Variants in GPR132 observed in about 807,000 individuals in gnomAD.
GPR132 encodes probable G protein-coupled receptor 132.
In GPR132, 4 loss-of-function variants were observed where a neutral mutation model predicts 1.9. The ratio of observed to expected loss-of-function variants is 2.13; its 90% CI spans 1.05 to 4.87. The LOEUF (loss-of-function observed/expected upper bound fraction) is 4.87, where lower values mean the gene tolerates loss of function less well. GPR132 is among the 30% of genes most tolerant of loss of function. The probability of loss-of-function intolerance (pLI) is 0.01; values close to 1 mark genes in which losing one functional copy is unlikely to be tolerated. For missense variants in GPR132, 404 were observed against 512.5 expected (o/e 0.79, Z 2.04); for synonymous variants, 233 against 234.2 (o/e 0.99, Z 0.05).
At chr14:105,054,143 G>A (rs952778371) in intron 3 of GPR132, 25 of 1,285,822 alleles carry the variant, frequency 1.9e-5, no homozygotes, top group East Asian at 1.7e-4. Context: ...GCAGGAAGCC[G>A]CAGACAGACC....
rs1886590143 is a variant in GPR132 at position 105,050,054 on chromosome 14, C to T, written c.*940G>A. ...CCAGTGAGGTAGGTGTCATTGGCCC[C>T]ATTTTACAGATAGGGAAACCAGGGC... On this transcript the variant is annotated 3_prime_UTR_variant, in exon 4 of 4. Coordinates refer to ENST00000329797, the MANE Select transcript of GPR132 (RefSeq NM_013345.4). This position sits in a 1 kb window ranked among gnomAD's most constrained non-coding sequence, Gnocchi z 4.0. 1 of 152,430 alleles carries T rather than the reference C, an allele frequency of 6.6e-6. No homozygotes were observed. The highest frequency in any genetic ancestry group is 1.5e-5 in the Non-Finnish European group (1 of 68,210). The allele number at this position is 152,430 out of a possible 1,614,324, so 9.4% of individuals were successfully genotyped here.
At chr14:105,054,248 A>C (rs1886726392) in intron 3 of GPR132, 1 of 1,170,348 alleles carries the variant, frequency 8.5e-7, no homozygotes, top group Non-Finnish European at 1.1e-6. Flanking sequence ...CCCTGGCGCG[A>C]GGTCAGGGGT....
chr14:105,061,232 C>T (rs1279553248), intron 1 of GPR132, among the ~76,000 whole-genome samples: 2 of 152,250 alleles, frequency 1.3e-5, no homozygotes, highest in Non-Finnish European at 2.9e-5. Context: ...GCTTGGGCGC[C>T]GGGGGAGCCC....
chr14:105,057,314 A>C (rs1809880686), intron 1 of GPR132, 34 bp from the exon 2 acceptor site: 1 of 664,208 alleles, frequency 1.5e-6, no homozygotes, highest in Non-Finnish European at 2.7e-6. Flanking sequence ...TGTTTTAGGG[A>C]AATCAGATTG....
Position 105,051,243 on chromosome 14 carries a change from C to T in GPR132, c.894G>A (p.Thr298=), listed in dbSNP as rs370857711. The T allele has an allele frequency of 8.1e-6, 13 of 1,613,444 alleles. No homozygotes were observed. Among genetic ancestry groups the T allele is most frequent in the Middle Eastern group, 1.6e-4 (1 of 6,082 alleles). The part of the protein sequence containing the change: ...TASVVFLCLS[T]VNGVADPIIY... The stretch of plus-strand genomic sequence containing the variant: ...TAATGGGGTCAGCCACGCCGTTCAC[C>T]GTGGACAGGCACAGAAACACCACAG... The change falls in exon 4 of 4, where the codon ACG becomes ACA. Residue 298 remains threonine (T), a synonymous_variant. Coordinates refer to ENST00000329797, the MANE Select transcript of GPR132 (RefSeq NM_013345.4). This position sits in a 1 kb window ranked among gnomAD's most constrained non-coding sequence, Gnocchi z 8.0.
intron 1 of GPR132, among the ~76,000 whole-genome samples, chr14:105,061,043 G>A (rs909455596): frequency 3.3e-5 from 5 of 152,266 alleles, no homozygotes; most frequent in East Asian, 1.9e-4. Flanking sequence ...TCCAGATCCC[G>A]CCACGTGCCT....
At chr14:105,054,084 CT>C (rs1467750985) in intron 3 of GPR132, 2 of 1,288,386 alleles carry the variant, frequency 1.6e-6, no homozygotes, top group African/African-American at 3.0e-5. Context: ...TGAGTTCATG[CT>C]TCTGGGCCTT....
chr14:105,063,654 G>T (rs1887008663), intron 1 of GPR132, among the ~76,000 whole-genome samples: 1 of 152,046 alleles, frequency 6.6e-6, no homozygotes, highest in Non-Finnish European at 1.5e-5. Flanking sequence ...TGGGATTACA[G>T]GTGTGAGCCA....
At chr14:105,052,865 A>G (rs999848463) in intron 3 of GPR132, among the ~76,000 whole-genome samples, 2 of 151,268 alleles carry the variant, frequency 1.3e-5, no homozygotes, top group Non-Finnish European at 2.9e-5. Flanking sequence ...AGGCTGAGGC[A>G]GGAGAATCAC....
chr14:105,063,025 C>T (rs1447757461), intron 1 of GPR132, among the ~76,000 whole-genome samples: 3 of 152,268 alleles, frequency 2.0e-5, no homozygotes, highest in African/African-American at 7.2e-5. Flanking sequence ...CTCCCAGGCT[C>T]ACATCATCCT....
intron 1 of GPR132, among the ~76,000 whole-genome samples, chr14:105,064,821 GC>G (rs1414657100): frequency 6.6e-6 from 1 of 152,118 alleles, no homozygotes; most frequent in African/African-American, 2.4e-5. Flanking sequence ...TGTGCCTGGT[GC>G]GCCGAACGCC....
chr14:105,055,594 A>G lies in GPR132; in HGVS notation c.-174T>C, dbSNP rs1595137200. ...CTGTCACCTCCCCACGTGGGTGGGC[A>G]TCTCTGCGTGTCTTCAGCGTGTGTC... On this transcript the variant is annotated 5_prime_UTR_variant, in exon 3 of 4. An upstream start codon of the reference 5' UTR is lost. Transcript: ENST00000329797. This position sits in a 1 kb window ranked among gnomAD's most constrained non-coding sequence, Gnocchi z 4.7. The G allele has an allele frequency of 1.5e-6, 1 of 667,178 alleles. No individual in the cohort carries two copies. Among genetic ancestry groups the G allele is most frequent in the Non-Finnish European group, 2.8e-6 (1 of 361,754 alleles). The allele number at this position is 667,178 out of a possible 1,614,324, so 41.3% of individuals were successfully genotyped here.
rs1358772497 is a variant in GPR132 at position 105,055,483 on chromosome 14, A to G, written c.-63T>C. The G allele has an allele frequency of 7.7e-6, 6 of 775,236 alleles. No homozygotes were observed. The Admixed American group carries it at 1.0e-4, about 13-fold the overall frequency. The allele number at this position is 775,236 out of a possible 1,614,324, so 48.0% of individuals were successfully genotyped here. A position where few individuals can be genotyped will look rare whatever the true frequency, so the allele number is the denominator to read the frequency against. ...AGAACCTTCTCATCTTCCCAAACGG[A>G]GACTCTGCCCCAGGAAGCACTCGCT... is the stretch of plus-strand genomic sequence containing the variant. On this transcript the variant is annotated 5_prime_UTR_variant, in exon 3 of 4. Transcript: ENST00000329797. The surrounding 1 kb of genome is among the most constrained non-coding windows in gnomAD (Gnocchi z 4.7).
intron 1 of GPR132, 154 bp from the exon 2 acceptor site, chr14:105,057,434 C>A: frequency 2.1e-6 from 1 of 475,000 alleles, no homozygotes; most frequent in East Asian, 3.5e-5. Flanking sequence ...CGTTGCATCC[C>A]ACATGAGAAA....
At chr14:105,057,356 G>C (rs1375223402) in intron 1 of GPR132, 76 bp from the exon 2 acceptor site, 5 of 589,112 alleles carry the variant, frequency 8.5e-6, no homozygotes, top group Non-Finnish European at 1.2e-5. Context: ...CAAACGGCTA[G>C]TGAGTATTTA....
In GPR132 at chr14:105,056,807, A is replaced by G. The variant is rs926193956; in HGVS notation, c.-747+360T>C. ...TCCTGGTGGGTCAGAAGTAGGGGCA[A>G]CGGCACCAGGAGACGCATGGATGCG... On this transcript the variant is annotated intron_variant, in intron 2 of 3. Transcript: ENST00000329797. This position sits in a 1 kb window ranked among gnomAD's most constrained non-coding sequence, Gnocchi z 6.0. Among the ~76,000 whole-genome samples, 2 of 152,208 alleles carry G rather than the reference A, an allele frequency of 1.3e-5. No homozygotes were observed. The highest frequency in any genetic ancestry group is 2.9e-5 in the Non-Finnish European group (2 of 68,028).
intron 3 of GPR132, chr14:105,054,396 C>T (rs1886730701): frequency 1.0e-6 from 1 of 984,774 alleles, no homozygotes. Flanking sequence ...GGGGTCAGCC[C>T]TGCGGCCCCA....
At position 105,051,823 on chromosome 14, in the gene GPR132, T is replaced by C. The variant is rs771117472; in HGVS notation, c.314A>G (p.Gln105Arg). The C allele has an allele frequency of 1.2e-6, 2 of 1,614,138 alleles. No homozygotes were observed. The highest frequency in any genetic ancestry group is 1.3e-5 in the African/African-American group (1 of 75,064). Reference protein sequence around the residue: ...LPLWVIYIRNQHRWTLGLLAC... With the variant: ...LPLWVIYIRNRHRWTLGLLAC... ...CAGCAGGCCTAGGGTCCAGCGGTGCTGGTTGCGGATATAGATGACCCAGAG... is the reference window on the plus strand; with the variant it reads ...CAGCAGGCCTAGGGTCCAGCGGTGCCGGTTGCGGATATAGATGACCCAGAG... Residue 105 changes from glutamine (Q) to arginine (R), a missense_variant, in exon 4 of 4, where the codon CAG (glutamine) becomes CGG (arginine). By Grantham distance (43) the Gln-to-Arg change is conservative. Coordinates refer to ENST00000329797, the MANE Select transcript of GPR132 (RefSeq NM_013345.4). The surrounding 1 kb of genome is among the most constrained non-coding windows in gnomAD (Gnocchi z 8.0).
intron 1 of GPR132, among the ~76,000 whole-genome samples, chr14:105,058,604 A>G (rs759807354): frequency 5.9e-5 from 9 of 152,214 alleles, no homozygotes; most frequent in South Asian, 2.1e-4. Flanking sequence ...AAAAATCTCA[A>G]ATGTGCTCTA....
Sources: allele counts gnomAD v4.1 joint callset (sites outside exome capture counted in the v4.1 genomes callset), GRCh38; gene constraint gnomAD v4.1.1; non-coding constraint Gnocchi (gnomAD v3.1); transcripts MANE v1.5; gene names NCBI Gene and HGNC (gene_info 2026-07-23, HGNC 2026-07-21).